Variants in GALNT9 observed in about 807,000 individuals in gnomAD.
The protein encoded by GALNT9 is polypeptide N-acetylgalactosaminyltransferase 9.
GALNT9 carries 47 observed loss-of-function variants against 63.1 expected under a neutral mutation model. The observed-to-expected ratio is 0.75, with a 90% confidence interval of 0.59 to 0.95. The LOEUF is 0.95. GALNT9 is among the 40% of genes least tolerant of loss of function. The probability of loss-of-function intolerance (pLI) is 0.00; values close to 1 mark genes in which losing one functional copy is unlikely to be tolerated. For missense variants in GALNT9, 829 were observed against 874.8 expected, an observed-to-expected ratio of 0.95 and a Z score of 0.66; for synonymous variants, 396 against 365.7, an observed-to-expected ratio of 1.08 and a Z score of -0.94.
intron 1 of GALNT9, among the ~76,000 whole-genome samples, chr12:132,311,265 G>A (rs1881801981): frequency 6.6e-6 from 1 of 152,200 alleles, no homozygotes; most frequent in African/African-American, 2.4e-5. Context: ...AGAAATCAGA[G>A]GTGCCAAATA....
chr12:132,284,276 C>A (rs1880499033), intron 2 of GALNT9: 1 of 151,810 alleles, frequency 6.6e-6, no homozygotes, highest in Non-Finnish European at 1.5e-5. Flanking sequence ...TGCACACGCA[C>A]ACACCCACAC....
intron 1 of GALNT9, among the ~76,000 whole-genome samples, chr12:132,313,179 ACCC>A (rs1881876700): frequency 3.1e-5 from 1 of 32,410 alleles, no homozygotes; most frequent in African/African-American, 1.2e-4. Context: ...CCACCCACCC[ACCC>A]ATCCCTCCAT....
intron 5 of GALNT9, among the ~76,000 whole-genome samples, chr12:132,256,926 C>G (rs908693754): frequency 6.6e-6 from 1 of 152,236 alleles, no homozygotes; most frequent in Admixed American, 6.5e-5. Flanking sequence ...CATGAGCTTG[C>G]TGGCGCAGGC....
At chr12:132,281,103 T>C (rs1235797815) in intron 2 of GALNT9, among the ~76,000 whole-genome samples, 2 of 152,186 alleles carry the variant, frequency 1.3e-5, no homozygotes, top group Admixed American at 6.5e-5. Context: ...TGGAGACGCT[T>C]CCCAGCCACA....
intron 5 of GALNT9, among the ~76,000 whole-genome samples, chr12:132,254,952 CTGAG>C (rs1555238922): frequency 1.3e-5 from 2 of 152,316 alleles, no homozygotes; most frequent in East Asian, 1.9e-4. Context: ...TTCATCATGA[CTGAG>C]TAAGAATTGG....
At chr12:132,293,105 C>T (rs754556757) in intron 1 of GALNT9, among the ~76,000 whole-genome samples, 3 of 152,088 alleles carry the variant, frequency 2.0e-5, no homozygotes, top group Non-Finnish European at 2.9e-5. Flanking sequence ...ACAGTGGGGC[C>T]GAGCCGGCCA....
intron 5 of GALNT9, among the ~76,000 whole-genome samples, chr12:132,249,896 G>A (rs1348264461): frequency 1.3e-5 from 2 of 152,162 alleles, no homozygotes; most frequent in Non-Finnish European, 2.9e-5. Context: ...CGCCACACGC[G>A]GGGCACAGGG....
In GALNT9 at chr12:132,249,699, G is replaced by A. The variant is rs185336228; in HGVS notation, c.960-1672C>T. Among the ~76,000 whole-genome samples the A allele has an allele frequency of 2.4e-3, 369 of 152,308 alleles. 4 individuals are homozygous for A. Among genetic ancestry groups the A allele is most frequent in the East Asian group, 0.019 (98 of 5,184 alleles). On this transcript the variant is annotated intron_variant, in intron 5 of 10. Coordinates refer to ENST00000328957, the MANE Select transcript of GALNT9 (RefSeq NM_001122636.2). ...TGCCACATCTATTGTAGCGGGTAGC[G>A]TCTTTTTTATTATTGCTCAGAGTTC...
chr12:132,271,820 G>A (rs915882434), intron 2 of GALNT9, among the ~76,000 whole-genome samples: 2 of 152,002 alleles, frequency 1.3e-5, no homozygotes, highest in South Asian at 2.1e-4. Flanking sequence ...GCTCCCACGC[G>A]TGGGAGGCCG....
At chr12:132,215,408 T>C (rs1279508542) in intron 6 of GALNT9, among the ~76,000 whole-genome samples, 14 of 152,292 alleles carry the variant, frequency 9.2e-5, no homozygotes, top group Admixed American at 2.0e-4. Flanking sequence ...CCGGGGAGGA[T>C]TGCTGGGTGT....
intron 7 of GALNT9, among the ~76,000 whole-genome samples, chr12:132,201,928 T>C (rs992499487): frequency 2.0e-5 from 3 of 152,084 alleles, no homozygotes; most frequent in Non-Finnish European, 4.4e-5. Context: ...ACCAGCACTC[T>C]CTGACGGACA....
chr12:132,253,946 T>C (rs1275026020), intron 5 of GALNT9, among the ~76,000 whole-genome samples: 1 of 152,214 alleles, frequency 6.6e-6, no homozygotes, highest in African/African-American at 2.4e-5. Flanking sequence ...AATAAAGCTT[T>C]ATTTACAAAT....
chr12:132,237,669 G>C (rs1878055280), intron 6 of GALNT9, among the ~76,000 whole-genome samples: 1 of 152,250 alleles, frequency 6.6e-6, no homozygotes, highest in Admixed American at 6.5e-5. Flanking sequence ...CAGTGTGGTG[G>C]TTCGTGGGTG....
chr12:132,258,474 C>T (rs1351735230), intron 4 of GALNT9, among the ~76,000 whole-genome samples: 4 of 152,330 alleles, frequency 2.6e-5, no homozygotes, highest in Admixed American at 6.5e-5. Context: ...GCAGCGGCCC[C>T]GCTCAAGGAC....
intron 1 of GALNT9, among the ~76,000 whole-genome samples, chr12:132,303,702 G>T (rs376967588): frequency 1.1e-3 from 3 of 2,630 alleles, no homozygotes; most frequent in Admixed American, 4.3e-3. Flanking sequence ...CACCCTCACC[G>T]GGGCACACCC....
chr12:132,325,308 C>T lies in GALNT9; in HGVS notation c.238+3658G>A, dbSNP rs186818121. On this transcript the variant is annotated intron_variant, in intron 1 of 10. Transcript: ENST00000328957. ...CTCGCTTGCTCACTGGACAGATATT[C>T]GTGGAGTGCTATGTTCACAGTACCG... Among the ~76,000 whole-genome samples the T allele has an allele frequency of 3.4e-3, 511 of 152,354 alleles. 4 individuals are homozygous for T. The highest frequency in any genetic ancestry group is 4.6e-3 in the Non-Finnish European group (315 of 68,032).
chr12:132,229,255 C>T (rs945422163), intron 6 of GALNT9, among the ~76,000 whole-genome samples: 5 of 152,234 alleles, frequency 3.3e-5, no homozygotes, highest in East Asian at 1.9e-4. Context: ...GCCTCTCCAC[C>T]GCAGGTGGAG....
intron 6 of GALNT9, among the ~76,000 whole-genome samples, chr12:132,214,963 G>C (rs1466015563): frequency 6.6e-6 from 1 of 152,230 alleles, no homozygotes; most frequent in Admixed American, 6.5e-5. Flanking sequence ...GATTCTGGCT[G>C]ACAGGCAAAG....
intron 6 of GALNT9, among the ~76,000 whole-genome samples, chr12:132,226,759 C>T (rs1877707655): frequency 2.0e-5 from 3 of 149,190 alleles, no homozygotes; most frequent in Admixed American, 1.3e-4. Context: ...TACACCCACC[C>T]CACACACTGT....
Sources: allele counts gnomAD v4.1 joint callset (sites outside exome capture counted in the v4.1 genomes callset), GRCh38; gene constraint gnomAD v4.1.1; transcripts MANE v1.5; gene names NCBI Gene and HGNC (gene_info 2026-07-23, HGNC 2026-07-21).